The following CDH23 variants were observed in gnomAD, a reference collection of about 807,000 sequenced individuals.
CDH23 encodes cadherin-23.
CDH23 carries 189 observed loss-of-function variants against 317.1 expected under a neutral mutation model. That is an observed-to-expected ratio of 0.60 (90% CI 0.53 to 0.67). The LOEUF is 0.67. CDH23 is among the 30% of genes least tolerant of loss of function. The probability of loss-of-function intolerance (pLI) is 0.00; values close to 1 mark genes in which losing one functional copy is unlikely to be tolerated. For missense variants in CDH23, 4,401 were observed against 4,592.4 expected (o/e 0.96, Z 1.20); for synonymous variants, 1,839 against 1,876.8 (o/e 0.98, Z 0.52).
chr10:71,811,823 G>GT, intron 65 of CDH23, 70 bp downstream of exon 65: 3 of 1,333,552 alleles, frequency 2.2e-6, no homozygotes, highest in African/African-American at 2.5e-5. Context: ...GCCCACCGGA[G>GT]CCACAAGCCT....
intron 14 of CDH23, among the ~76,000 whole-genome samples, chr10:71,667,359 A>AGAGTGTGTGT (rs58361666): frequency 8.1e-4 from 91 of 112,108 alleles, no homozygotes; most frequent in Middle Eastern, 4.4e-3. Context: ...AGAGAGAGAG[A>AGAGTGTGTGT]GTGTGTGTGT....
intron 9 of CDH23, among the ~76,000 whole-genome samples, chr10:71,594,476 C>G (rs2132455843): frequency 6.6e-6 from 1 of 152,248 alleles, no homozygotes; most frequent in East Asian, 1.9e-4. Context: ...TGAGTTCAAG[C>G]AATTCTCCTG....
At chr10:71,801,569 C>T (rs901456804) in intron 53 of CDH23, among the ~76,000 whole-genome samples, 1 of 152,160 alleles carries the variant, frequency 6.6e-6, no homozygotes, top group African/African-American at 2.4e-5. Flanking sequence ...TCTCAATCCC[C>T]TTTTCTATGC....
chr10:71,475,416 A>G (rs1851739863), intron 3 of CDH23, among the ~76,000 whole-genome samples: 1 of 151,992 alleles, frequency 6.6e-6, no homozygotes, highest in Non-Finnish European at 1.5e-5. Context: ...GTGCAGCCTG[A>G]GCTCTTGGCT....
chr10:71,462,065 G>C (rs1162633172), intron 3 of CDH23, among the ~76,000 whole-genome samples: 1 of 152,226 alleles, frequency 6.6e-6, no homozygotes, highest in Non-Finnish European at 1.5e-5. Context: ...GACCCACCTG[G>C]TCGTTTCGAG....
At chr10:71,551,295 G>A (rs752179943) in intron 6 of CDH23, among the ~76,000 whole-genome samples, 1 of 152,190 alleles carries the variant, frequency 6.6e-6, no homozygotes, top group Non-Finnish European at 1.5e-5. Context: ...AACGTCATTT[G>A]CAATTCCTAC....
Position 71,724,028 on chromosome 10 carries a change from G to A in CDH23, c.3370-17G>A. On this transcript the variant is annotated splice_polypyrimidine_tract_variant and intron_variant, in intron 28 of 69. Coordinates refer to ENST00000224721, the MANE Select transcript of CDH23 (RefSeq NM_022124.6). ...GGGTGGCATTCAAGAAGTAACTCGTGTCTCATTCTTCCTCAGCTGAAAGCC... is the reference window on the plus strand; with the variant it reads ...GGGTGGCATTCAAGAAGTAACTCGTATCTCATTCTTCCTCAGCTGAAAGCC... The A allele has an allele frequency of 6.4e-7, 1 of 1,554,760 alleles. No individual in the cohort carries two copies. Among genetic ancestry groups the A allele is most frequent in the Non-Finnish European group, 8.7e-7 (1 of 1,148,600 alleles).
Position 71,812,879 on chromosome 10 carries a change from G to A in CDH23, c.9622G>A (p.Gly3208Arg). 2 of 1,613,554 alleles carry A rather than the reference G, an allele frequency of 1.2e-6. No homozygotes were observed. The highest frequency in any genetic ancestry group is 1.7e-6 in the Non-Finnish European group (2 of 1,179,712). Residue 3208 changes from glycine (G) to arginine (R), a missense_variant, in exon 68 of 70, where the codon GGG (glycine) becomes AGG (arginine). Coordinates refer to ENST00000224721, the MANE Select transcript of CDH23 (RefSeq NM_022124.6). The part of the protein sequence containing the change: ...IAKLGQIIRE[G>R]PIKGSLLKVV... ...CAAGCTGGGCCAGATCATTCGTGAG[G>A]GGCCAATCAAGGTGAGCCTTCCCTG...
intron 9 of CDH23, among the ~76,000 whole-genome samples, chr10:71,610,759 T>C (rs1860829114): frequency 7.6e-6 from 1 of 130,798 alleles, no homozygotes; most frequent in African/African-American, 3.1e-5. Context: ...CCTCCCAGCC[T>C]CTCTCTTGCA....
At chr10:71,610,011 A>G (rs1178142044) in intron 9 of CDH23, among the ~76,000 whole-genome samples, 2 of 148,846 alleles carry the variant, frequency 1.3e-5, no homozygotes, top group Admixed American at 6.7e-5. Flanking sequence ...AGACAGAGAG[A>G]CGAGAGAGAG....
At position 71,809,983 on chromosome 10, in the gene CDH23, C is replaced by T. The variant is rs376881824; in HGVS notation, c.8886C>T (p.Asn2962=). 169 of 1,612,168 alleles carry T rather than the reference C, an allele frequency of 1.0e-4. No homozygotes were observed. The highest frequency in any genetic ancestry group is 1.0e-3 in the African/African-American group (75 of 75,058). Residue 2962 remains asparagine (N), a synonymous_variant, in exon 61 of 70, where the codon AAC becomes AAT. Transcript: ENST00000224721. The part of the protein sequence containing the change: ...RDDQRVKIVI[N]EIPDRVRGFE... ...ACCAGCGCGTCAAGATCGTCATTAA[C>T]GAGATCCCCGACCGTGTGCGCGGCT...
chr10:71,556,210 C>T (rs777461438), intron 6 of CDH23, among the ~76,000 whole-genome samples: 2 of 152,036 alleles, frequency 1.3e-5, no homozygotes, highest in African/African-American at 4.8e-5. Context: ...GGAGACTTTG[C>T]CTTGGAGCAG....
chr10:71,756,466 G>T (rs1215006296), intron 38 of CDH23, among the ~76,000 whole-genome samples: 1 of 152,196 alleles, frequency 6.6e-6, no homozygotes, highest in African/African-American at 2.4e-5. Context: ...CAATGAACTT[G>T]TGCACGCAGC....
At chr10:71,429,148 C>T (rs1849251251) in intron 1 of CDH23, among the ~76,000 whole-genome samples, 1 of 152,142 alleles carries the variant, frequency 6.6e-6, no homozygotes, top group Admixed American at 6.5e-5. Flanking sequence ...ATAGTGTTAT[C>T]AGTCATTGTT....
chr10:71,646,093 C>T (rs1862840698), intron 13 of CDH23, 113 bp downstream of exon 13: 4 of 1,354,870 alleles, frequency 3.0e-6, no homozygotes, highest in African/African-American at 2.9e-5. Flanking sequence ...GCCCATCTTC[C>T]CTTGTGGATC....
intron 1 of CDH23, among the ~76,000 whole-genome samples, chr10:71,436,514 A>T (rs1589304855): frequency 1.3e-5 from 2 of 152,260 alleles, no homozygotes; most frequent in Admixed American, 6.5e-5. Context: ...TGATGGAAAC[A>T]TCAGGAGACT....
chr10:71,529,499 A>AGAGGG (rs1447178583), intron 6 of CDH23, among the ~76,000 whole-genome samples: 11 of 152,306 alleles, frequency 7.2e-5, no homozygotes, highest in Non-Finnish European at 1.6e-4. Context: ...TTCTCGGCAC[A>AGAGGG]GAGGGGCCAT....
At position 71,738,535 on chromosome 10, in the gene CDH23, C is replaced by G; in HGVS notation, c.4247C>G (p.Pro1416Arg). Residue 1416 changes from proline (P) to arginine (R), a missense_variant, in exon 35 of 70, where the codon CCC (proline) becomes CGC (arginine). Pro to Arg is a moderately radical substitution (Grantham distance 103). Around this residue, in one of 3 missense-constraint regions of CDH23, gnomAD observed 3,068 missense variants for 3,203.3 expected, o/e 0.96. Transcript: ENST00000224721. ...GTGCTGGACGAGAATGACAACAGCCCCCGGTTTGACTTCACCTCCGACTCG... is the reference window on the plus strand; with the variant it reads ...GTGCTGGACGAGAATGACAACAGCCGCCGGTTTGACTTCACCTCCGACTCG... ...ITVLDENDNS[P>R]RFDFTSDSAV... The G allele has an allele frequency of 1.2e-6, 2 of 1,613,968 alleles. No individual in the cohort carries two copies. Among genetic ancestry groups the G allele is most frequent in the Non-Finnish European group, 1.7e-6 (2 of 1,179,888 alleles).
intron 3 of CDH23, among the ~76,000 whole-genome samples, chr10:71,460,432 G>T (rs181673458): frequency 2.0e-4 from 31 of 152,362 alleles, no homozygotes; most frequent in African/African-American, 6.3e-4. Context: ...GCGGGAACCC[G>T]CACACTTGCT....
Sources: allele counts gnomAD v4.1 joint callset (sites outside exome capture counted in the v4.1 genomes callset), GRCh38; gene constraint gnomAD v4.1.1; regional missense constraint gnomAD v4.1.1; transcripts MANE v1.5; gene names NCBI Gene and HGNC (gene_info 2026-07-23, HGNC 2026-07-21).